Variants in SORL1-AS1 observed in about 807,000 individuals in gnomAD.
SORL1-AS1 encodes lncRNA 51 A.
chr11:121,451,225 T>C (rs1240929560), intron 1 of SORL1-AS1, among the ~76,000 whole-genome samples: 2 of 152,168 alleles, frequency 1.3e-5, no homozygotes, highest in Non-Finnish European at 2.9e-5. Flanking sequence ...CAGTAGTACA[T>C]AGACTTTGGC....
chr11:121,451,909 G>C (rs1311304146), intron 1 of SORL1-AS1, among the ~76,000 whole-genome samples: 1 of 152,052 alleles, frequency 6.6e-6, no homozygotes, highest in Non-Finnish European at 1.5e-5. Flanking sequence ...GGACGACCTC[G>C]ACACGACCCT....
At chr11:121,443,815 G>A (rs1308355730), downstream of SORL1-AS1, among the ~76,000 whole-genome samples, 1 of 152,192 alleles carries the variant, frequency 6.6e-6, no homozygotes, top group African/African-American at 2.4e-5. Context: ...AGCTGGAGTG[G>A]GCTTGCTTGG....
chr11:121,445,946 C>T (rs1177859001), downstream of SORL1-AS1, among the ~76,000 whole-genome samples: 1 of 152,116 alleles, frequency 6.6e-6, no homozygotes, highest in Non-Finnish European at 1.5e-5. Context: ...GAAAGGACCC[C>T]CTTCTTGCTC....
In SORL1-AS1 at chr11:121,452,945, T is replaced by G. The variant is rs775054510; in HGVS notation, n.69A>C. On this transcript the variant is annotated non_coding_transcript_exon_variant, in exon 1 of 2. Coordinates refer to ENST00000501964, the Ensembl canonical transcript of SORL1-AS1. The surrounding 1 kb of genome is among the most constrained non-coding windows in gnomAD (Gnocchi z 5.3). ...CATCTGGATAAAAAACGGGCTTTCT[T>G]TAGTGTATCATCAGTTGGCAGTGGA... is the stretch of plus-strand genomic sequence containing the variant. 9 of 264,912 alleles carry G rather than the reference T, an allele frequency of 3.4e-5. No individual in the cohort carries two copies. Among genetic ancestry groups the G allele is most frequent in the Non-Finnish European group, 6.4e-5 (9 of 140,462 alleles). The allele number at this position is 264,912 out of a possible 1,614,324, so 16.4% of individuals were successfully genotyped here.
Position 121,452,767 on chromosome 11 carries a change from C to CCTCA in SORL1-AS1, n.246_247insTGAG. 1 of 622,190 alleles carries CCTCA rather than the reference C, an allele frequency of 1.6e-6. No individual in the cohort carries two copies. The highest frequency in any genetic ancestry group is 2.5e-6 in the Non-Finnish European group (1 of 395,062). The allele number at this position is 622,190 out of a possible 1,614,324, so 38.5% of individuals were successfully genotyped here. A position where few individuals can be genotyped will look rare whatever the true frequency, so the allele number is the denominator to read the frequency against. The stretch of plus-strand genomic sequence containing the variant: ...TGTTTTTTTCCTTCACGAGTACAAC[C>CCTCA]GTCAGCACTTGAATCGCATTGATCT... On this transcript the variant is annotated non_coding_transcript_exon_variant, in exon 1 of 2. Coordinates refer to ENST00000501964, the Ensembl canonical transcript of SORL1-AS1. The surrounding 1 kb of genome is among the most constrained non-coding windows in gnomAD (Gnocchi z 5.3).
the SORL1-AS1 span, among the ~76,000 whole-genome samples, chr11:121,438,925 CT>C: frequency 6.6e-6 from 1 of 152,188 alleles, no homozygotes; most frequent in East Asian, 1.9e-4. Flanking sequence ...ACCTGGGAGG[CT>C]GAGGCACAAG....
downstream of SORL1-AS1, among the ~76,000 whole-genome samples, chr11:121,446,579 C>T (rs1211012639): frequency 3.3e-5 from 5 of 151,890 alleles, no homozygotes; most frequent in African/African-American, 9.7e-5. Context: ...GGTGAAACCC[C>T]GTCTCTACTA....
In SORL1-AS1 at chr11:121,452,327, C is replaced by T; in HGVS notation, n.339+348G>A. The T allele has an allele frequency of 6.5e-7, 1 of 1,531,934 alleles. No homozygotes were observed. Among genetic ancestry groups the T allele is most frequent in the East Asian group, 2.7e-5 (1 of 36,556 alleles). The allele number at this position is 1,531,934 out of a possible 1,614,324, so 94.9% of individuals were successfully genotyped here. A position where few individuals can be genotyped will look rare whatever the true frequency, so the allele number is the denominator to read the frequency against. ...GGCGCCACCTGCAGTAGCGTTCGCC[C>T]GAACATGGCGACACGGAGCAGCAGG... On this transcript the variant is annotated intron_variant and non_coding_transcript_variant, in intron 1 of 1. Coordinates refer to ENST00000501964, the Ensembl canonical transcript of SORL1-AS1. The surrounding 1 kb of genome is among the most constrained non-coding windows in gnomAD (Gnocchi z 5.3).
chr11:121,448,123 C>T (rs1363574823), exon 2 of SORL1-AS1: 2 of 152,126 alleles, frequency 1.3e-5, no homozygotes, highest in Non-Finnish European at 2.9e-5. Context: ...TCGCTTTGGC[C>T]CACTTCAAAG....
At chr11:121,444,793 T>C (rs988440708), downstream of SORL1-AS1, among the ~76,000 whole-genome samples, 6 of 152,230 alleles carry the variant, frequency 3.9e-5, no homozygotes, top group East Asian at 1.9e-4. Context: ...TATCACAGAA[T>C]AGCAGCCTTT....
chr11:121,444,128 A>AAG (rs150739171), downstream of SORL1-AS1, among the ~76,000 whole-genome samples: 2 of 151,842 alleles, frequency 1.3e-5, no homozygotes, highest in Middle Eastern at 6.8e-3. Context: ...GTCAGAGAGA[A>AAG]AGAGAGAGAG....
intron 1 of SORL1-AS1, among the ~76,000 whole-genome samples, chr11:121,451,597 C>T (rs1197639931): frequency 6.6e-6 from 1 of 152,186 alleles, no homozygotes; most frequent in Non-Finnish European, 1.5e-5. Flanking sequence ...GTCAGATGTA[C>T]CCTTGTTTTT....
chr11:121,442,825 CCCA>C (rs1860676075), downstream of SORL1-AS1, among the ~76,000 whole-genome samples: 1 of 150,348 alleles, frequency 6.7e-6, no homozygotes, highest in Non-Finnish European at 1.5e-5. Context: ...ACTACAGGCG[CCCA>C]CCACCACGCC....
chr11:121,447,834 T>G (rs1345668928), exon 2 of SORL1-AS1: 2 of 152,138 alleles, frequency 1.3e-5, no homozygotes, highest in African/African-American at 4.8e-5. Flanking sequence ...ACAGTGCTGG[T>G]TAAGGCAGGG....
the SORL1-AS1 span, among the ~76,000 whole-genome samples, chr11:121,440,352 C>T: frequency 0.034 from 5,226 of 152,138 alleles, 304 homozygotes; most frequent in African/African-American, 0.12. Context: ...CCAGCCTGGG[C>T]GATAGAGTGA....
chr11:121,442,231 T>C, the SORL1-AS1 span, among the ~76,000 whole-genome samples: 1 of 152,210 alleles, frequency 6.6e-6, no homozygotes, highest in African/African-American at 2.4e-5. Flanking sequence ...TTGAATGTGC[T>C]TTACTAGATG....
At position 121,452,656 on chromosome 11, in the gene SORL1-AS1, T is replaced by G; in HGVS notation, n.339+19A>C. 2 of 1,409,578 alleles carry G rather than the reference T, an allele frequency of 1.4e-6. No homozygotes were observed. The highest frequency in any genetic ancestry group is 1.8e-6 in the Non-Finnish European group (2 of 1,082,838). 87.3% of individuals were successfully genotyped at this position (1,409,578 alleles called of 1,614,324 possible). On this transcript the variant is annotated intron_variant and non_coding_transcript_variant, in intron 1 of 1. Coordinates refer to ENST00000501964, the Ensembl canonical transcript of SORL1-AS1. The surrounding 1 kb of genome is among the most constrained non-coding windows in gnomAD (Gnocchi z 5.3). ...AACCCGCCTCCCTCCAGTTTTTTCC[T>G]CTCCCTGCACTTCCTCACCCCCGCA...
chr11:121,439,383 T>C, the SORL1-AS1 span, among the ~76,000 whole-genome samples: 151,202 of 151,710 alleles, frequency 1, 75,349 homozygotes, highest in Middle Eastern at 1. Context: ...CTCTTTTATG[T>C]GGTGTTTATC....
chr11:121,445,253 C>T (rs917388640), downstream of SORL1-AS1, among the ~76,000 whole-genome samples: 1 of 152,182 alleles, frequency 6.6e-6, no homozygotes, highest in Non-Finnish European at 1.5e-5. Flanking sequence ...CTGTCGCACC[C>T]TCTGGGAGAT....
Sources: allele counts gnomAD v4.1 joint callset (sites outside exome capture counted in the v4.1 genomes callset), GRCh38; gene constraint gnomAD v4.1.1; non-coding constraint Gnocchi (gnomAD v3.1); transcripts MANE v1.5; gene names NCBI Gene and HGNC (gene_info 2026-07-23, HGNC 2026-07-21).